AFAP1L2: variants seen among roughly 807,000 people sequenced by gnomAD.
AFAP1L2 encodes actin filament associated protein 1 like 2, also known as actin filament-associated protein 1-like 2.
In AFAP1L2, 46 loss-of-function variants were observed where a neutral mutation model predicts 99.3. That is an observed-to-expected ratio of 0.46 (90% CI 0.37 to 0.59). The LOEUF is 0.59. Ranked by LOEUF, AFAP1L2 falls within the 20% of genes least tolerant of loss-of-function variation. The probability of loss-of-function intolerance (pLI) is 0.00; values close to 1 mark genes in which losing one functional copy is unlikely to be tolerated. For synonymous variants in AFAP1L2, 397 were observed against 419.1 expected, an observed-to-expected ratio of 0.95 and a Z score of 0.64; for missense variants, 959 against 1,034.9, an observed-to-expected ratio of 0.93 and a Z score of 1.01.
intron 1 of AFAP1L2, among the ~76,000 whole-genome samples, chr10:114,352,404 G>A (rs937321295): frequency 2.9e-5 from 4 of 139,866 alleles, no homozygotes; most frequent in African/African-American, 1.0e-4. Context: ...AGCCAGGGAG[G>A]CAGAGGTTGC....
intron 11 of AFAP1L2, among the ~76,000 whole-genome samples, chr10:114,303,073 A>T (rs1009114412): frequency 6.6e-6 from 1 of 152,122 alleles, no homozygotes. Flanking sequence ...TTTCCAGGGG[A>T]CAATGCATTC....
rs1427951752 is a variant in AFAP1L2, at chr10:114,323,019, A to G, written c.406+152T>C. On this transcript the variant is annotated intron_variant, in intron 5 of 18. Transcript: ENST00000304129. ...CTGAATGCTCTGTGGCCAGTTCTCAATTTGGACCATGCTTTCCTGTCACAG... is the reference window on the plus strand; with the variant it reads ...CTGAATGCTCTGTGGCCAGTTCTCAGTTTGGACCATGCTTTCCTGTCACAG... 1.4e-5 allele frequency: 10 copies of G among 698,202 alleles called. No individual in the cohort carries two copies. In the East Asian group the frequency reaches 2.7e-4, roughly 19 times the overall value. 43.3% of individuals were successfully genotyped at this position (698,202 alleles called of 1,614,324 possible).
chr10:114,393,356 T>G (rs1338918024), intron 1 of AFAP1L2: 2 of 152,218 alleles, frequency 1.3e-5, no homozygotes, highest in Non-Finnish European at 2.9e-5. Flanking sequence ...GCCCACACTC[T>G]CGCCCTGATT....
chr10:114,369,361 C>T (rs1029518519), intron 1 of AFAP1L2, among the ~76,000 whole-genome samples: 5 of 152,056 alleles, frequency 3.3e-5, no homozygotes, highest in Admixed American at 2.0e-4. Context: ...TTTCGGAGGC[C>T]GAGGCGGGCG....
At chr10:114,375,349 C>T (rs2054647193) in intron 1 of AFAP1L2, among the ~76,000 whole-genome samples, 1 of 152,200 alleles carries the variant, frequency 6.6e-6, no homozygotes, top group African/African-American at 2.4e-5. Flanking sequence ...TACAAGAAAG[C>T]TTGCCAGCCC....
chr10:114,404,563 G>A, upstream of AFAP1L2: 5 of 1,372,954 alleles, frequency 3.6e-6, no homozygotes, highest in Non-Finnish European at 4.7e-6. Context: ...GGTCACGCTC[G>A]CGGCCGGACC....
intron 1 of AFAP1L2, among the ~76,000 whole-genome samples, chr10:114,374,803 C>G (rs1041795098): frequency 1.0e-5 from 1 of 100,344 alleles, no homozygotes; most frequent in Admixed American, 1.4e-4. Context: ...GAGAGCTAGG[C>G]GTGTGGGATA....
chr10:114,350,962 A>G (rs114527273), intron 1 of AFAP1L2, among the ~76,000 whole-genome samples: 176 of 152,224 alleles, frequency 1.2e-3, no homozygotes, highest in African/African-American at 3.9e-3. Flanking sequence ...CTTAAATGCA[A>G]TCTACCAGAA....
intron 1 of AFAP1L2, among the ~76,000 whole-genome samples, chr10:114,376,847 C>A (rs2137215416): frequency 6.6e-6 from 1 of 152,152 alleles, no homozygotes; most frequent in African/African-American, 2.4e-5. Flanking sequence ...AATAGACCAC[C>A]CAAACAGAAT....
intron 1 of AFAP1L2, among the ~76,000 whole-genome samples, chr10:114,370,534 C>T (rs1400447227): frequency 6.6e-6 from 1 of 152,238 alleles, no homozygotes; most frequent in East Asian, 1.9e-4. Context: ...CTGGAAGATT[C>T]TGTTGCCTGA....
In AFAP1L2 at chr10:114,294,942, C is replaced by T. The variant is rs1334128267; in HGVS notation, c.*1100G>A. The T allele has an allele frequency of 2.1e-6, 2 of 975,598 alleles. No homozygotes were observed. The highest frequency in any genetic ancestry group is 4.8e-5 in the South Asian group (1 of 20,916). The allele number at this position is 975,598 out of a possible 1,614,324, so 60.4% of individuals were successfully genotyped here. On this transcript the variant is annotated 3_prime_UTR_variant, in exon 19 of 19. Transcript: ENST00000304129. Reference sequence around the variant, plus strand: ...AAAAAAGACATTTAGTTCTCAGGAACAAGTGTTAGAGAACTGATACACAAC... The same window carrying T: ...AAAAAAGACATTTAGTTCTCAGGAATAAGTGTTAGAGAACTGATACACAAC...
intron 1 of AFAP1L2, among the ~76,000 whole-genome samples, chr10:114,369,627 G>A (rs1302769507): frequency 6.8e-6 from 1 of 146,712 alleles, no homozygotes; most frequent in Non-Finnish European, 1.5e-5. Context: ...TTTTTATTAT[G>A]AAAATTTTCA....
intron 1 of AFAP1L2, among the ~76,000 whole-genome samples, chr10:114,364,840 G>A (rs1410962138): frequency 2.0e-5 from 3 of 152,160 alleles, no homozygotes; most frequent in Non-Finnish European, 2.9e-5. Context: ...TGGCTACAGA[G>A]GGCCAGGAAT....
rs1461573002 is a variant in AFAP1L2, at chr10:114,359,912, CATATATGTCACCAAGGA to C, written c.17-19198_17-19182del. ...TTTAACTGGTGTCCTTCACCAAGGA[CATATATGTCACCAAGGA>C]CATATATGACATTGCCACCTTACCA... On this transcript the variant is annotated intron_variant, in intron 1 of 18. Coordinates refer to ENST00000304129, the MANE Select transcript of AFAP1L2 (RefSeq NM_001001936.3). Among the ~76,000 whole-genome samples the C allele has an allele frequency of 1.3e-3, 31 of 24,590 alleles. No individual in the cohort carries two copies. The South Asian group carries it at 0.057, about 46-fold the overall frequency. 16.1% of individuals were successfully genotyped at this position (24,590 alleles called of 152,430 possible).
Position 114,306,288 on chromosome 10 carries a change from G to A in AFAP1L2, c.1073-1358C>T, listed in dbSNP as rs1398449669. On this transcript the variant is annotated intron_variant, in intron 10 of 18. Coordinates refer to ENST00000304129, the MANE Select transcript of AFAP1L2 (RefSeq NM_001001936.3). Reference sequence around the variant, plus strand: ...AGGAGGGGACGCAGATGCAGGAGGCGTCGGGGCTGCAGGAGGGGACGCAGA... The same window carrying A: ...AGGAGGGGACGCAGATGCAGGAGGCATCGGGGCTGCAGGAGGGGACGCAGA... Among the ~76,000 whole-genome samples, 10 of 140,274 alleles carry A rather than the reference G, an allele frequency of 7.1e-5. No homozygotes were observed. The East Asian group carries it at 1.1e-3, about 15-fold the overall frequency. The allele number at this position is 140,274 out of a possible 152,430, so 92.0% of individuals were successfully genotyped here. A position where few individuals can be genotyped will look rare whatever the true frequency, so the allele number is the denominator to read the frequency against.
chr10:114,333,514 C>T (rs1315988811), intron 2 of AFAP1L2, among the ~76,000 whole-genome samples: 1 of 152,078 alleles, frequency 6.6e-6, no homozygotes, highest in Non-Finnish European at 1.5e-5. Flanking sequence ...CTAGCCTGAC[C>T]GAGGGTGTGG....
chr10:114,361,756 A>G (rs2052456892), intron 1 of AFAP1L2, among the ~76,000 whole-genome samples: 1 of 152,132 alleles, frequency 6.6e-6, no homozygotes, highest in Non-Finnish European at 1.5e-5. Context: ...AGCACCTAAC[A>G]TGTGTTAGAC....
chr10:114,358,834 G>A (rs1204579402), intron 1 of AFAP1L2, among the ~76,000 whole-genome samples: 1 of 152,132 alleles, frequency 6.6e-6, no homozygotes, highest in Non-Finnish European at 1.5e-5. Context: ...AGAATCGCTT[G>A]AACCCGGGAG....
intron 1 of AFAP1L2, among the ~76,000 whole-genome samples, chr10:114,392,379 A>G (rs551166824): frequency 1.5e-4 from 23 of 152,280 alleles, no homozygotes; most frequent in African/African-American, 5.5e-4. Flanking sequence ...ACAGAGCAAG[A>G]CCCTGTTGAA....
Sources: gnomAD v4.1 joint callset for allele counts (sites outside exome capture counted in the v4.1 genomes callset) on GRCh38, gnomAD v4.1.1 for gene constraint, MANE v1.5 for transcripts, NCBI Gene and HGNC (gene_info 2026-07-23, HGNC 2026-07-21) for gene names.